The following NLK variants were observed in gnomAD, a reference collection of about 807,000 sequenced individuals.
NLK encodes serine/threonine-protein kinase NLK.
A neutral mutation model predicts 59.0 loss-of-function variants in NLK; 11 were observed. That is an observed-to-expected ratio of 0.19 (90% CI 0.12 to 0.31). The LOEUF (loss-of-function observed/expected upper bound fraction) is 0.31. Among genes scored for constraint, NLK ranks in the 10% least tolerant of loss-of-function variants. The pLI, the probability that NLK is intolerant of heterozygous loss-of-function variation, is 1.00. For missense variants in NLK, 410 were observed against 661.1 expected, an observed-to-expected ratio of 0.62 and a Z score of 4.16; for synonymous variants, 235 against 235.9, an observed-to-expected ratio of 1.00 and a Z score of 0.03.
intron 3 of NLK, among the ~76,000 whole-genome samples, chr17:28,135,368 T>G (rs550043511): frequency 7.2e-5 from 11 of 152,314 alleles, no homozygotes; most frequent in African/African-American, 2.4e-4. Flanking sequence ...GTGAGTGACC[T>G]TAGCTGCCGA....
At chr17:28,132,591 A>C in intron 2 of NLK, 29 bp from the exon 3 acceptor site, 1 of 1,570,858 alleles carries the variant, frequency 6.4e-7, no homozygotes, top group Non-Finnish European at 8.7e-7. Context: ...TTTGTTCTCT[A>C]AATTTGACTT....
intron 1 of NLK, among the ~76,000 whole-genome samples, chr17:28,067,068 G>A (rs1174236390): frequency 6.6e-6 from 1 of 152,104 alleles, no homozygotes; most frequent in Non-Finnish European, 1.5e-5. Flanking sequence ...ATTCTCCTGA[G>A]TGTCTTTTGC....
intron 1 of NLK, among the ~76,000 whole-genome samples, chr17:28,107,622 A>T (rs1308184147): frequency 6.6e-6 from 1 of 152,176 alleles, no homozygotes; most frequent in Admixed American, 6.5e-5. Context: ...TAGAACACAT[A>T]TTAAAAGGTA....
At chr17:28,065,544 T>C (rs1282793075) in intron 1 of NLK, among the ~76,000 whole-genome samples, 1 of 152,198 alleles carries the variant, frequency 6.6e-6, no homozygotes, top group African/African-American at 2.4e-5. Context: ...ATTGAATGAC[T>C]TAAATGATTA....
downstream of NLK, among the ~76,000 whole-genome samples, chr17:28,197,910 A>C (rs1909524057): frequency 6.6e-6 from 1 of 152,206 alleles, no homozygotes; most frequent in Admixed American, 6.5e-5. Context: ...ACTTTACTTC[A>C]AGAAGATGAC....
downstream of NLK, among the ~76,000 whole-genome samples, chr17:28,197,336 G>A (rs1357130433): frequency 1.3e-5 from 2 of 151,998 alleles, no homozygotes; most frequent in Admixed American, 1.3e-4. Context: ...AGGCATGGTG[G>A]CGGGCGCCTA....
At chr17:28,102,745 G>A (rs1388531028) in intron 1 of NLK, among the ~76,000 whole-genome samples, 1 of 151,984 alleles carries the variant, frequency 6.6e-6, no homozygotes, top group African/African-American at 2.4e-5. Flanking sequence ...GGTTGCAAAA[G>A]AAATTTGGCA....
At chr17:28,085,498 G>A (rs1910483291) in intron 1 of NLK, among the ~76,000 whole-genome samples, 1 of 152,206 alleles carries the variant, frequency 6.6e-6, no homozygotes, top group Non-Finnish European at 1.5e-5. Context: ...CCAGCACTTT[G>A]GGAGGCCGAG....
chr17:28,045,120 G>A (rs1175682308), intron 1 of NLK, among the ~76,000 whole-genome samples: 1 of 152,092 alleles, frequency 6.6e-6, no homozygotes, highest in Non-Finnish European at 1.5e-5. Context: ...CATATATTTG[G>A]TTTGAAGCCA....
intron 1 of NLK, among the ~76,000 whole-genome samples, chr17:28,095,705 G>C (rs1273027541): frequency 6.6e-6 from 1 of 152,166 alleles, no homozygotes; most frequent in African/African-American, 2.4e-5. Context: ...CCCTTGCTGT[G>C]ACCCTTGCTA....
chr17:28,197,068 A>G (rs762688349), downstream of NLK, among the ~76,000 whole-genome samples: 96 of 152,240 alleles, frequency 6.3e-4, no homozygotes, highest in Non-Finnish European at 1.3e-3. Context: ...CTTACTAAGT[A>G]TAAGAATTAC....
At chr17:28,063,004 C>T (rs1342628528) in intron 1 of NLK, among the ~76,000 whole-genome samples, 1 of 152,160 alleles carries the variant, frequency 6.6e-6, no homozygotes. Context: ...GATCGTGGCT[C>T]ACTGTAGCCT....
At chr17:28,083,711 C>T (rs938871033) in intron 1 of NLK, among the ~76,000 whole-genome samples, 1 of 152,150 alleles carries the variant, frequency 6.6e-6, no homozygotes, top group Non-Finnish European at 1.5e-5. Context: ...AAATATTTGA[C>T]ATTTTGAACA....
chr17:28,149,920 A>G (rs1907412333), intron 3 of NLK, among the ~76,000 whole-genome samples: 1 of 152,186 alleles, frequency 6.6e-6, no homozygotes, highest in African/African-American at 2.4e-5. Flanking sequence ...GGAATACTAC[A>G]TTATGTAATA....
the NLK span, among the ~76,000 whole-genome samples, chr17:28,202,465 G>A: frequency 6.6e-6 from 1 of 150,750 alleles, no homozygotes; most frequent in Non-Finnish European, 1.5e-5. Flanking sequence ...TGGGATTACA[G>A]GCATGAGCCA....
chr17:28,079,921 T>A lies in NLK; in HGVS notation c.458+36590T>A, dbSNP rs576520191. ...ATATCATGAAGCTTTTCCCCAATAT[T>A]TTCTTCTAGGAACTTTATTGTTTCA... On this transcript the variant is annotated intron_variant, in intron 1 of 10. Transcript: ENST00000407008. Among the ~76,000 whole-genome samples, 3 of 152,330 alleles carry A rather than the reference T, an allele frequency of 2.0e-5. No individual in the cohort carries two copies. The South Asian group carries it at 6.2e-4, about 32-fold the overall frequency.
At chr17:28,161,514 C>T (rs1162707808) in intron 4 of NLK, among the ~76,000 whole-genome samples, 2 of 152,162 alleles carry the variant, frequency 1.3e-5, no homozygotes, top group Non-Finnish European at 2.9e-5. Context: ...GTTGAGTGGG[C>T]TAATCTAGGT....
chr17:28,084,375 A>T (rs1283317627), intron 1 of NLK, among the ~76,000 whole-genome samples: 2 of 152,212 alleles, frequency 1.3e-5, no homozygotes, highest in East Asian at 3.8e-4. Context: ...TTCTTGAGTT[A>T]GGAAATACTG....
chr17:28,169,264 T>A (rs1018052996), intron 6 of NLK, among the ~76,000 whole-genome samples: 1 of 152,222 alleles, frequency 6.6e-6, no homozygotes, highest in Non-Finnish European at 1.5e-5. Flanking sequence ...CTTCAGTTGT[T>A]AGAAGGCCTC....
Sources: gnomAD v4.1 joint callset for allele counts (sites outside exome capture counted in the v4.1 genomes callset) on GRCh38, gnomAD v4.1.1 for gene constraint, MANE v1.5 for transcripts, NCBI Gene and HGNC (gene_info 2026-07-23, HGNC 2026-07-21) for gene names.